The following LRRC74A variants were observed in gnomAD, a reference collection of about 807,000 sequenced individuals.
LRRC74A encodes leucine-rich repeat-containing protein 74A.
LRRC74A carries 44 observed loss-of-function variants against 57.9 expected under a neutral mutation model. That is an observed-to-expected ratio of 0.76 (90% CI 0.60 to 0.98). The LOEUF is 0.98. Among genes scored for constraint, LRRC74A ranks in the 50% least tolerant of loss-of-function variants. LRRC74A has a pLI of 0.00. For synonymous variants in LRRC74A, 211 were observed against 219.4 expected (o/e 0.96, Z 0.34); for missense variants, 572 against 574.0 (o/e 1.00, Z 0.04).
intron 7 of LRRC74A, among the ~76,000 whole-genome samples, chr14:76,851,280 AT>A (rs1224843677): frequency 6.6e-6 from 1 of 152,234 alleles, no homozygotes; most frequent in Non-Finnish European, 1.5e-5. Context: ...TCCTGTGTAA[AT>A]ACAGCCCCTG....
intron 7 of LRRC74A, among the ~76,000 whole-genome samples, chr14:76,850,058 A>G (rs1897343762): frequency 6.6e-6 from 1 of 151,748 alleles, no homozygotes. Context: ...AATACATAAA[A>G]TTAGCCAGGC....
At chr14:76,847,537 G>A (rs1897186617) in intron 7 of LRRC74A, among the ~76,000 whole-genome samples, 1 of 151,826 alleles carries the variant, frequency 6.6e-6, no homozygotes, top group South Asian at 2.1e-4. Flanking sequence ...GGGACTAACT[G>A]AGGGTGGAGG....
chr14:76,828,793 T>G (rs763324379), intron 2 of LRRC74A: 10 of 427,570 alleles, frequency 2.3e-5, no homozygotes, highest in South Asian at 1.7e-4. Context: ...GAAGAGGAAC[T>G]GGGCCTTAAA....
At chr14:76,863,559 A>G (rs555586646) in intron 11 of LRRC74A, among the ~76,000 whole-genome samples, 7 of 152,280 alleles carry the variant, frequency 4.6e-5, no homozygotes, top group Admixed American at 4.6e-4. Context: ...CCTGGTCAAG[A>G]GCGAACGCCC....
chr14:76,828,599 G>T, intron 2 of LRRC74A, 180 bp downstream of exon 2: 1 of 875,892 alleles, frequency 1.1e-6, no homozygotes, highest in African/African-American at 1.7e-5. Flanking sequence ...GCTGGCAGGG[G>T]AGAGCAGCTG....
chr14:76,844,599 ACC>A (rs1056825284), intron 6 of LRRC74A, 127 bp downstream of exon 6: 5 of 942,474 alleles, frequency 5.3e-6, no homozygotes, highest in Non-Finnish European at 8.2e-6. Context: ...GAGTGTTTAG[ACC>A]CTGCCAACCC....
intron 7 of LRRC74A, among the ~76,000 whole-genome samples, chr14:76,850,070 T>C (rs2140290420): frequency 6.6e-6 from 1 of 151,704 alleles, no homozygotes; most frequent in East Asian, 2.0e-4. Flanking sequence ...TAGCCAGGCA[T>C]GGTGGTGGGT....
In LRRC74A at chr14:76,838,514, T is replaced by C. The variant is rs150174981; in HGVS notation, c.544+543T>C. On this transcript the variant is annotated intron_variant, in intron 5 of 13. Transcript: ENST00000689127. ...TAGAAAGACAAAGACATAGAGAATA[T>C]AAAAGATAAAAGAATGAAATGAATG... is the stretch of plus-strand genomic sequence containing the variant. 9.4e-3 allele frequency among the ~76,000 whole-genome samples: 1,434 copies of C among 152,132 alleles called. 15 individuals carry two copies. The highest frequency in any genetic ancestry group is 0.014 in the Non-Finnish European group (981 of 68,002).
rs771437650 is a variant in LRRC74A at position 76,866,010 on chromosome 14, A to G, written c.1243A>G (p.Lys415Glu). 4 of 1,604,106 alleles carry G rather than the reference A, an allele frequency of 2.5e-6. No homozygotes were observed. The Admixed American group carries it at 5.0e-5, about 20-fold the overall frequency. The change falls in exon 12 of 14, where the codon AAG (lysine) becomes GAG (glutamate). Residue 415 changes from lysine (K) to glutamate (E), a missense_variant. Lys to Glu is a moderately conservative substitution (Grantham distance 56). Coordinates refer to ENST00000689127, the MANE Select transcript of LRRC74A (RefSeq NM_001385106.1). ...CAAAATCACGATCGTGGACTTCTTC[A>G]AGAGCTTGAACCCCACTGGGACAAT... ...QHKITIVDFF[K>E]SLNPTGTMKM...
intron 12 of LRRC74A, 29 bp downstream of exon 12, chr14:76,866,104 G>A (rs1898770293): frequency 2.1e-6 from 3 of 1,420,196 alleles, no homozygotes; most frequent in African/African-American, 1.4e-5. Context: ...GCAACAGGCT[G>A]TGTGTGAGTG....
intron 11 of LRRC74A, among the ~76,000 whole-genome samples, chr14:76,863,642 G>T (rs2293804): frequency 0.045 from 6,909 of 152,264 alleles, 343 homozygotes; most frequent in East Asian, 0.11. Context: ...GGGCTGTGTG[G>T]GGTCTTAGTA....
At chr14:76,849,251 G>A (rs1037077300) in intron 7 of LRRC74A, among the ~76,000 whole-genome samples, 12 of 152,020 alleles carry the variant, frequency 7.9e-5, no homozygotes. Context: ...TGCCTCCCGG[G>A]TGCAAGCAAT....
chr14:76,866,031 A>G lies in LRRC74A; in HGVS notation c.1264A>G (p.Thr422Ala), dbSNP rs1259769679. Residue 422 changes from threonine to alanine, a missense_variant, in exon 12 of 14, where the codon ACA becomes GCA. Coordinates refer to ENST00000689127, the MANE Select transcript of LRRC74A (RefSeq NM_001385106.1). ...DFFKSLNPTG[T>A]MKMSVDEFQK... ...CTTCAAGAGCTTGAACCCCACTGGGACAATGAAGATGTCTGTGGATGAGTT... is the reference window on the plus strand; with the variant it reads ...CTTCAAGAGCTTGAACCCCACTGGGGCAATGAAGATGTCTGTGGATGAGTT... 1.3e-6 allele frequency: 2 copies of G among 1,598,104 alleles called. No individual in the cohort carries two copies. The highest frequency in any genetic ancestry group is 1.1e-5 in the South Asian group (1 of 89,432).
chr14:76,826,541 T>TG lies in LRRC74A; in HGVS notation c.-154dup, dbSNP rs1382424850. ...AAAGCCTACTCTTCCCAGGGCTTGC[T>TG]GGGAGGGAAGGATAACTGCAGGCTC... On this transcript the variant is annotated 5_prime_UTR_variant, in exon 1 of 14. The change abolishes the stop of an existing upstream ORF in the 5' untranslated region. Coordinates refer to ENST00000689127, the MANE Select transcript of LRRC74A (RefSeq NM_001385106.1). 6.2e-7 allele frequency: 1 copy of TG among 1,611,266 alleles called. No individual in the cohort carries two copies. The highest frequency in any genetic ancestry group is 1.3e-5 in the African/African-American group (1 of 74,868).
chr14:76,831,115 C>T, intron 2 of LRRC74A, 88 bp from the exon 3 acceptor site: 1 of 1,356,274 alleles, frequency 7.4e-7, no homozygotes. Flanking sequence ...AGAGGACAGT[C>T]TAGACATGAG....
chr14:76,829,071 C>T, intron 2 of LRRC74A: 1 of 1,289,384 alleles, frequency 7.8e-7, no homozygotes, highest in Non-Finnish European at 1.0e-6. Flanking sequence ...ATAACACCTC[C>T]ACCCTCTCTC....
rs759320905 is a variant in LRRC74A, at chr14:76,837,954, G to A, written c.527G>A (p.Trp176Ter). The A allele has an allele frequency of 1.9e-6, 3 of 1,574,204 alleles. No individual in the cohort carries two copies. The highest frequency in any genetic ancestry group is 2.6e-6 in the Non-Finnish European group (3 of 1,157,618). The change falls in exon 5 of 14, where the codon TGG becomes TAG. Residue 176 changes from tryptophan (W) to a stop codon, truncating the protein, a stop_gained. Coordinates refer to ENST00000689127, the MANE Select transcript of LRRC74A (RefSeq NM_001385106.1). LOFTEE classifies it high-confidence loss of function. The stretch of plus-strand genomic sequence containing the variant: ...TTTGAGAGAAACAGTTCTTCTATCT[G>A]GAGCCTTGAGCTTTCAGGTGAGCAC... ...DFFERNSSSI[W>*]SLELSGNDFK...
intron 2 of LRRC74A, among the ~76,000 whole-genome samples, chr14:76,830,720 C>G (rs1402890461): frequency 6.6e-6 from 1 of 152,204 alleles, no homozygotes; most frequent in Non-Finnish European, 1.5e-5. Flanking sequence ...TGGTGCCTCT[C>G]TAAGTCTTTG....
At chr14:76,859,662 C>CTTTTTTTTTTTTTTTTTTTTTTT (rs1025552496) in intron 10 of LRRC74A, among the ~76,000 whole-genome samples, 2 of 80,902 alleles carry the variant, frequency 2.5e-5, no homozygotes, top group Non-Finnish European at 4.6e-5. Context: ...CTGAATTAGC[C>CTTTTTTTTTTTTTTTTTTTTTTT]TTTTTTTTTT....
Sources: allele counts gnomAD v4.1 joint callset (sites outside exome capture counted in the v4.1 genomes callset), GRCh38; gene constraint gnomAD v4.1.1; transcripts MANE v1.5; gene names NCBI Gene and HGNC (gene_info 2026-07-23, HGNC 2026-07-21).